Variants in TRHDE observed in about 807,000 individuals in gnomAD.
TRHDE encodes the protein thyrotropin releasing hormone degrading enzyme.
A neutral mutation model predicts 125.7 loss-of-function variants in TRHDE; 72 were observed. The observed-to-expected ratio is 0.57, with a 90% confidence interval of 0.47 to 0.70. The LOEUF (loss-of-function observed/expected upper bound fraction) is 0.70, where lower values mean the gene tolerates loss of function less well. Among genes scored for constraint, TRHDE ranks in the 30% least tolerant of loss-of-function variants. The probability of loss-of-function intolerance (pLI) is 0.00; values close to 1 mark genes in which losing one functional copy is unlikely to be tolerated. For synonymous variants in TRHDE, 509 were observed against 509.1 expected (o/e 1.00, Z 0.00); for missense variants, 1,110 against 1,327.1 (o/e 0.84, Z 2.54).
intron 10 of TRHDE, among the ~76,000 whole-genome samples, chr12:72,574,628 A>T (rs926162980): frequency 6.6e-6 from 1 of 152,086 alleles, no homozygotes; most frequent in Non-Finnish European, 1.5e-5. Flanking sequence ...GCTGGTGAGG[A>T]TAATCAAATT....
intron 2 of TRHDE, among the ~76,000 whole-genome samples, chr12:72,347,897 G>A (rs1261677331): frequency 6.6e-6 from 1 of 151,962 alleles, no homozygotes; most frequent in African/African-American, 2.4e-5. Flanking sequence ...ACCAGGCTCA[G>A]GTGACACTCA....
In TRHDE at chr12:72,099,859, A is replaced by G. The variant is rs544995154; in HGVS notation, n.175-5789A>G. Among the ~76,000 whole-genome samples, 72 of 152,278 alleles carry G rather than the reference A, an allele frequency of 4.7e-4. 1 individual carries two copies. In the South Asian group the frequency reaches 0.014, roughly 30 times the overall value. On this transcript the variant is annotated intron_variant and non_coding_transcript_variant, in intron 1 of 4. Coordinates refer to the TRHDE transcript ENST00000548156. ...TTCAGTAGCTATCATTTTGATTTTT[A>G]TGTTGATTCTAATATTAACACCAAT...
chr12:72,148,634 C>T (rs1013898815), intron 2 of TRHDE, among the ~76,000 whole-genome samples: 3 of 152,156 alleles, frequency 2.0e-5, no homozygotes, highest in African/African-American at 7.2e-5. Context: ...GAAAGAACCC[C>T]AACAGTGTGG....
intron 17 of TRHDE, among the ~76,000 whole-genome samples, chr12:72,654,743 CA>C (rs1874639623): frequency 6.6e-6 from 1 of 152,108 alleles, no homozygotes; most frequent in Non-Finnish European, 1.5e-5. Context: ...TAGGTTATAT[CA>C]ATTTAACATT....
chr12:72,636,167 C>G (rs1334721756), intron 15 of TRHDE, among the ~76,000 whole-genome samples: 2 of 152,150 alleles, frequency 1.3e-5, no homozygotes, highest in Admixed American at 6.5e-5. Flanking sequence ...TTTGTATCCT[C>G]TTTTATTTCA....
chr12:72,344,804 A>G (rs554271536), intron 2 of TRHDE, among the ~76,000 whole-genome samples: 2 of 152,146 alleles, frequency 1.3e-5, no homozygotes, highest in South Asian at 2.1e-4. Context: ...TGCCTGGTCA[A>G]GCATCATGAG....
chr12:72,359,233 T>A (rs1264809149), intron 2 of TRHDE, among the ~76,000 whole-genome samples: 1 of 151,036 alleles, frequency 6.6e-6, no homozygotes, highest in Non-Finnish European at 1.5e-5. Context: ...AAATCCAACA[T>A]TATTCATGAT....
intron 13 of TRHDE, among the ~76,000 whole-genome samples, chr12:72,619,410 T>C (rs1284487333): frequency 1.3e-5 from 2 of 152,166 alleles, no homozygotes; most frequent in Non-Finnish European, 2.9e-5. Flanking sequence ...CAGTAATGAT[T>C]CTTAGTCATT....
chr12:72,478,578 G>A (rs928189937), intron 5 of TRHDE, among the ~76,000 whole-genome samples: 7 of 152,038 alleles, frequency 4.6e-5, no homozygotes, highest in Admixed American at 1.3e-4. Flanking sequence ...TCCCTGTTAC[G>A]GGAGAAAGGT....
chr12:72,161,431 C>CAAAAA (rs36001406), intron 2 of TRHDE, among the ~76,000 whole-genome samples: 1 of 75,476 alleles, frequency 1.3e-5, no homozygotes, highest in Non-Finnish European at 3.0e-5. Flanking sequence ...GACTCCGTCT[C>CAAAAA]AAAAAAAAAA....
At chr12:72,372,011 G>A (rs1262786703) in intron 2 of TRHDE, among the ~76,000 whole-genome samples, 2 of 152,156 alleles carry the variant, frequency 1.3e-5, no homozygotes, top group Non-Finnish European at 2.9e-5. Flanking sequence ...CCCACCAACA[G>A]TATAAAAGTG....
At chr12:72,349,256 T>C (rs904275564) in intron 2 of TRHDE, among the ~76,000 whole-genome samples, 1 of 152,122 alleles carries the variant, frequency 6.6e-6, no homozygotes, top group African/African-American at 2.4e-5. Flanking sequence ...ACAAATATTC[T>C]GAATCATCAT....
chr12:72,585,604 G>A (rs1006330636), intron 12 of TRHDE, among the ~76,000 whole-genome samples: 1 of 152,154 alleles, frequency 6.6e-6, no homozygotes, highest in African/African-American at 2.4e-5. Context: ...AGCATACCTG[G>A]TTTTGCTTCT....
intron 1 of TRHDE, among the ~76,000 whole-genome samples, chr12:72,102,774 T>C (rs1303007645): frequency 6.6e-6 from 1 of 152,148 alleles, no homozygotes; most frequent in Non-Finnish European, 1.5e-5. Context: ...CAGATCCCAG[T>C]GTATCATGAA....
At chr12:72,407,337 A>T (rs959110044) in intron 3 of TRHDE, among the ~76,000 whole-genome samples, 2 of 152,196 alleles carry the variant, frequency 1.3e-5, no homozygotes, top group African/African-American at 2.4e-5. Flanking sequence ...AGACTGAAAG[A>T]TTGCTTTATG....
rs1879338912 is a variant in TRHDE at position 72,273,399 on chromosome 12, T to G, written c.756T>G (p.Gly252=). 6.2e-7 allele frequency: 1 copy of G among 1,613,882 alleles called. No individual in the cohort carries two copies. ...CGTTCGGGGCTGTCCCTGTAGCCGGTTTTTTCCTCTACCCGCAAACCCAGG... is the reference window on the plus strand; with the variant it reads ...CGTTCGGGGCTGTCCCTGTAGCCGGGTTTTTCCTCTACCCGCAAACCCAGG... ...DRAFGAVPVA[G]FFLYPQTQVL... The change falls in exon 1 of 19, where the codon GGT becomes GGG. Residue 252 remains glycine, a synonymous_variant. Transcript: ENST00000261180. This position sits in a 1 kb window ranked among gnomAD's most constrained non-coding sequence, Gnocchi z 5.3.
At chr12:72,389,360 T>G (rs560170201) in intron 3 of TRHDE, among the ~76,000 whole-genome samples, 1 of 152,328 alleles carries the variant, frequency 6.6e-6, no homozygotes, top group African/African-American at 2.4e-5. Flanking sequence ...TTGAAGTAAC[T>G]GTGCCAGATG....
intron 1 of TRHDE, among the ~76,000 whole-genome samples, chr12:72,093,702 C>G: frequency 6.6e-6 from 1 of 152,118 alleles, no homozygotes. Context: ...CTTTGTTAAA[C>G]TTTTCATTTT....
chr12:72,331,673 A>T (rs908233630), intron 2 of TRHDE, among the ~76,000 whole-genome samples: 2 of 152,106 alleles, frequency 1.3e-5, no homozygotes, highest in Admixed American at 6.5e-5. Flanking sequence ...AAAAGGAATG[A>T]GTTGTGGGGC....
Sources: allele counts gnomAD v4.1 joint callset (sites outside exome capture counted in the v4.1 genomes callset), GRCh38; gene constraint gnomAD v4.1.1; non-coding constraint Gnocchi (gnomAD v3.1); transcripts MANE v1.5; gene names NCBI Gene and HGNC (gene_info 2026-07-23, HGNC 2026-07-21).